Variants in SHROOM3 observed in about 807,000 individuals in gnomAD.
SHROOM3 encodes shroom family member 3.
Under a neutral mutation model 138.6 loss-of-function variants are expected in SHROOM3, and 47 were observed. That is an observed-to-expected ratio of 0.34 (90% confidence interval 0.27 to 0.43). The LOEUF (loss-of-function observed/expected upper bound fraction) is 0.43. Among genes scored for constraint, SHROOM3 ranks in the 20% least tolerant of loss-of-function variants. The pLI is 1.00. For synonymous variants in SHROOM3, 1,062 were observed against 1,063.3 expected, an observed-to-expected ratio of 1.00 and a Z score of 0.02; for missense variants, 2,491 against 2,596.5, an observed-to-expected ratio of 0.96 and a Z score of 0.88.
At chr4:76,681,631 G>GTGTGTGTGTGTGTGTGTGTGTA (rs1196090598) in intron 2 of SHROOM3, among the ~76,000 whole-genome samples, 1 of 147,284 alleles carries the variant, frequency 6.8e-6, no homozygotes, top group African/African-American at 2.7e-5. Context: ...GTGTGTGTGT[G>GTGTGTGTGTGTGTGTGTGTGTA]TGTATGTGTC....
intron 2 of SHROOM3, among the ~76,000 whole-genome samples, chr4:76,609,478 T>A (rs1335145960): frequency 6.6e-6 from 1 of 152,128 alleles, no homozygotes; most frequent in East Asian, 1.9e-4. Context: ...AGAGATAGGG[T>A]CTTACTATGT....
chr4:76,451,335 A>G (rs1045946731), intron 1 of SHROOM3, among the ~76,000 whole-genome samples: 2 of 152,230 alleles, frequency 1.3e-5, no homozygotes, highest in African/African-American at 2.4e-5. Context: ...AGTCCTAATT[A>G]TTCAAAGAAT....
At chr4:76,755,309 C>A in intron 7 of SHROOM3, 117 bp downstream of exon 7, 1 of 1,242,170 alleles carries the variant, frequency 8.1e-7, no homozygotes, top group Non-Finnish European at 1.1e-6. Context: ...TTCTATACAG[C>A]TCAGCTCAGG....
At chr4:76,746,975 C>T (rs957029113) in intron 5 of SHROOM3, among the ~76,000 whole-genome samples, 4 of 151,878 alleles carry the variant, frequency 2.6e-5, no homozygotes, top group Non-Finnish European at 5.9e-5. Context: ...CGCCACCAGG[C>T]CCCGGTAATT....
intron 2 of SHROOM3, among the ~76,000 whole-genome samples, chr4:76,585,875 A>G (rs544097964): frequency 1.3e-4 from 20 of 152,368 alleles, no homozygotes; most frequent in Middle Eastern, 3.4e-3. Context: ...TTAATTAGCT[A>G]CAAAGAAGCC....
chr4:76,739,788 C>A lies in SHROOM3; in HGVS notation c.1615C>A (p.Leu539Met). ...AFCQPLEHDL[L>M]SPVEKKPEAT... is the part of the protein sequence containing the mutation. ...CTGCCAGCCCTTAGAACATGACTTG[C>A]TGTCCCCAGTGGAGAAGAAACCAGA... The change falls in exon 5 of 11, where the codon CTG (leucine) becomes ATG (methionine). Residue 539 changes from leucine to methionine, a missense_variant. Physicochemically the swap from Leu to Met is conservative, Grantham distance 15 (BLOSUM62 2). Coordinates refer to ENST00000296043, the MANE Select transcript of SHROOM3 (RefSeq NM_020859.4). 6.2e-7 allele frequency: 1 copy of A among 1,614,192 alleles called. No individual in the cohort carries two copies. Among genetic ancestry groups the A allele is most frequent in the Non-Finnish European group, 8.5e-7 (1 of 1,180,042 alleles).
chr4:76,506,238 G>A (rs888175614), intron 1 of SHROOM3, among the ~76,000 whole-genome samples: 5 of 151,990 alleles, frequency 3.3e-5, no homozygotes, highest in Non-Finnish European at 5.9e-5. Flanking sequence ...GGTAGTGGGG[G>A]GCTGGGGGAG....
At chr4:76,558,813 C>T (rs1004570898) in intron 2 of SHROOM3, among the ~76,000 whole-genome samples, 9 of 152,198 alleles carry the variant, frequency 5.9e-5, no homozygotes, top group Admixed American at 1.3e-4. Flanking sequence ...TGATTTCCAA[C>T]TCCAAGTGAA....
At chr4:76,468,949 G>A (rs1210348067) in intron 1 of SHROOM3, among the ~76,000 whole-genome samples, 3 of 151,662 alleles carry the variant, frequency 2.0e-5, no homozygotes, top group Non-Finnish European at 1.5e-5. Context: ...CAGGAGAATG[G>A]CATGAACCTG....
chr4:76,535,905 G>T (rs1732943720), intron 1 of SHROOM3, among the ~76,000 whole-genome samples: 1 of 152,192 alleles, frequency 6.6e-6, no homozygotes, highest in African/African-American at 2.4e-5. Context: ...GGTCAAAAGA[G>T]AAGAATAAGC....
At chr4:76,436,472 C>T (rs188957590) in intron 1 of SHROOM3, among the ~76,000 whole-genome samples, 5 of 152,168 alleles carry the variant, frequency 3.3e-5, no homozygotes, top group African/African-American at 4.8e-5. Flanking sequence ...TGAATGAAAT[C>T]GCATACAATC....
At chr4:76,651,401 A>AATATATATATATATATATATATATATAT (rs33994270) in intron 2 of SHROOM3, among the ~76,000 whole-genome samples, 1 of 86,790 alleles carries the variant, frequency 1.2e-5, no homozygotes, top group Non-Finnish European at 2.4e-5. Context: ...GTAACCCATA[A>AATATATATATATATATATATATATATAT]ATATATATAT....
chr4:76,668,467 G>A (rs1299889686), intron 2 of SHROOM3, among the ~76,000 whole-genome samples: 1 of 152,126 alleles, frequency 6.6e-6, no homozygotes, highest in Non-Finnish European at 1.5e-5. Context: ...TAGCTACTCA[G>A]GAGGCTGAGG....
chr4:76,477,108 C>T (rs913609825), intron 1 of SHROOM3, among the ~76,000 whole-genome samples: 2 of 152,174 alleles, frequency 1.3e-5, no homozygotes, highest in African/African-American at 4.8e-5. Context: ...GCTGGGACTA[C>T]AGGTGCCCAC....
chr4:76,540,810 A>T (rs111651177), intron 1 of SHROOM3, among the ~76,000 whole-genome samples: 3,402 of 152,298 alleles, frequency 0.022, 126 homozygotes, highest in African/African-American at 0.076. Context: ...AGAAGAGAAA[A>T]CTAAAGCCTA....
chr4:76,643,913 C>T (rs1469294460), intron 2 of SHROOM3, among the ~76,000 whole-genome samples: 1 of 152,106 alleles, frequency 6.6e-6, no homozygotes, highest in African/African-American at 2.4e-5. Flanking sequence ...GGCACGTTCT[C>T]AGCTCACTGC....
At chr4:76,554,419 G>GTTTTTTT in intron 1 of SHROOM3, among the ~76,000 whole-genome samples, 1 of 121,752 alleles carries the variant, frequency 8.2e-6, no homozygotes, top group Non-Finnish European at 1.7e-5. Flanking sequence ...TTTTGTTTGT[G>GTTTTTTT]TTTTTTTTTT....
intron 2 of SHROOM3, among the ~76,000 whole-genome samples, chr4:76,596,207 A>G (rs1229080477): frequency 1.3e-5 from 2 of 152,192 alleles, no homozygotes; most frequent in Non-Finnish European, 2.9e-5. Flanking sequence ...CAGATCAAGT[A>G]GGGGAAATGT....
In SHROOM3 at chr4:76,710,052, C is replaced by G. The variant is rs1449886481; in HGVS notation, c.324-104C>G. 15 of 1,499,082 alleles carry G rather than the reference C, an allele frequency of 1.0e-5. No individual in the cohort carries two copies. The African/African-American group carries it at 2.1e-4, about 21-fold the overall frequency. 92.9% of individuals were successfully genotyped at this position (1,499,082 alleles called of 1,614,324 possible). On this transcript the variant is annotated intron_variant, in intron 2 of 10. Coordinates refer to ENST00000296043, the MANE Select transcript of SHROOM3 (RefSeq NM_020859.4). ...ACTTAGCTGTGCTGCTTTGCTCTGG[C>G]TCCGGGGTTCGTTTTCATGTGCTTT...
Sources: allele counts gnomAD v4.1 joint callset (sites outside exome capture counted in the v4.1 genomes callset), GRCh38; gene constraint gnomAD v4.1.1; transcripts MANE v1.5; gene names NCBI Gene and HGNC (gene_info 2026-07-23, HGNC 2026-07-21).